Variants in C7orf78 observed in about 807,000 individuals in gnomAD.
C7orf78 encodes chromosome 7 open reading frame 78, also known as putative uncharacterized protein C7orf78.
chr7:12,524,215 T>C, the C7orf78 span, among the ~76,000 whole-genome samples: 7 of 152,326 alleles, frequency 4.6e-5, no homozygotes, highest in South Asian at 1.4e-3. Context: ...TTATTTATAA[T>C]GTGGGTTAAT....
chr7:12,522,191 C>G, the C7orf78 span, among the ~76,000 whole-genome samples: 1 of 151,994 alleles, frequency 6.6e-6, no homozygotes, highest in African/African-American at 2.4e-5. Flanking sequence ...GAAATTCATC[C>G]TCACCTCAGG....
the C7orf78 span, among the ~76,000 whole-genome samples, chr7:12,505,777 C>G: frequency 6.6e-6 from 1 of 152,006 alleles, no homozygotes; most frequent in South Asian, 2.1e-4. Flanking sequence ...CTATGGTGCA[C>G]TATTTCATTA....
the C7orf78 span, among the ~76,000 whole-genome samples, chr7:12,500,128 G>C: frequency 1.4e-5 from 2 of 138,336 alleles, no homozygotes; most frequent in Non-Finnish European, 3.1e-5. Flanking sequence ...AGAGAAAGCA[G>C]GAAAGATCCA....
At chr7:12,541,449 A>G in the C7orf78 span, 6 of 152,346 alleles carry the variant, frequency 3.9e-5, no homozygotes, top group Admixed American at 1.3e-4. Context: ...ACTTTAAAAA[A>G]TAGAGAACAA....
chr7:12,497,527 G>A, the C7orf78 span, among the ~76,000 whole-genome samples: 6 of 152,146 alleles, frequency 3.9e-5, no homozygotes, highest in Non-Finnish European at 8.8e-5. Context: ...CTTTTCCCAC[G>A]GGCTTAAAAA....
At chr7:12,524,306 G>A in the C7orf78 span, among the ~76,000 whole-genome samples, 3 of 152,128 alleles carry the variant, frequency 2.0e-5, no homozygotes, top group African/African-American at 7.2e-5. Flanking sequence ...GAAATGTTGA[G>A]GTATTCGATG....
the C7orf78 span, among the ~76,000 whole-genome samples, chr7:12,498,807 G>C: frequency 6.7e-6 from 1 of 150,016 alleles, no homozygotes; most frequent in South Asian, 2.1e-4. Flanking sequence ...TTGAAATGAA[G>C]GAAAAAATGT....
At chr7:12,523,110 C>T in the C7orf78 span, 1 of 398,260 alleles carries the variant, frequency 2.5e-6, no homozygotes, top group South Asian at 1.3e-4. Context: ...GTTCTGCAAC[C>T]TCCACAATGT....
the C7orf78 span, among the ~76,000 whole-genome samples, chr7:12,503,363 A>T: frequency 1.3e-5 from 2 of 152,046 alleles, no homozygotes; most frequent in Non-Finnish European, 2.9e-5. Flanking sequence ...TTTAGATGTC[A>T]TAATGGTGCT....
chr7:12,531,463 G>A, the C7orf78 span, among the ~76,000 whole-genome samples: 77,337 of 151,752 alleles, frequency 0.51, 20,001 homozygotes, highest in Middle Eastern at 0.58. Flanking sequence ...TAATCCACCT[G>A]TAATTTGTGA....
the C7orf78 span, chr7:12,496,585 C>A: frequency 1.3e-5 from 2 of 152,194 alleles, no homozygotes; most frequent in Non-Finnish European, 2.9e-5. Context: ...TGAGAGTAAC[C>A]GTCAGGACAA....
the C7orf78 span, chr7:12,525,819 G>A: frequency 2.5e-6 from 1 of 396,718 alleles, no homozygotes; most frequent in Non-Finnish European, 4.4e-6. Context: ...TACATATCTA[G>A]TACCAACCTG....
At chr7:12,525,710 A>G in the C7orf78 span, 2 of 387,160 alleles carry the variant, frequency 5.2e-6, no homozygotes, top group Non-Finnish European at 4.6e-6. Flanking sequence ...CAAAATCATC[A>G]AAATTACGTT....
chr7:12,500,914 G>A, the C7orf78 span, among the ~76,000 whole-genome samples: 1 of 148,226 alleles, frequency 6.7e-6, no homozygotes, highest in Non-Finnish European at 1.5e-5. Flanking sequence ...TGGGATGCAA[G>A]GCTGGTTGAA....
At chr7:12,486,205 T>C in the C7orf78 span, among the ~76,000 whole-genome samples, 1 of 152,088 alleles carries the variant, frequency 6.6e-6, no homozygotes, top group Non-Finnish European at 1.5e-5. Context: ...AACATAGCTT[T>C]CTCTATTAAA....
At chr7:12,508,069 C>A in the C7orf78 span, among the ~76,000 whole-genome samples, 6 of 152,152 alleles carry the variant, frequency 3.9e-5, no homozygotes, top group African/African-American at 1.4e-4. Flanking sequence ...GGTCTGTAAG[C>A]CTTTTTATAT....
chr7:12,523,627 C>A, the C7orf78 span, among the ~76,000 whole-genome samples: 13 of 152,118 alleles, frequency 8.5e-5, no homozygotes, highest in African/African-American at 2.4e-4. Context: ...GAGGTAAGAA[C>A]CTGATTGATT....
At chr7:12,515,717 G>T in the C7orf78 span, among the ~76,000 whole-genome samples, 1 of 152,142 alleles carries the variant, frequency 6.6e-6, no homozygotes, top group African/African-American at 2.4e-5. Context: ...ATGGAGATGA[G>T]GAACTTGTTG....
chr7:12,508,617 T>A, the C7orf78 span, among the ~76,000 whole-genome samples: 24,262 of 152,150 alleles, frequency 0.16, 2,346 homozygotes, highest in South Asian at 0.24. Flanking sequence ...GTGAAACCAA[T>A]GTTAACACAA....
Sources: gnomAD v4.1 joint callset for allele counts (sites outside exome capture counted in the v4.1 genomes callset) on GRCh38, gnomAD v4.1.1 for gene constraint, MANE v1.5 for transcripts, NCBI Gene and HGNC (gene_info 2026-07-23, HGNC 2026-07-21) for gene names.